Variants in FBLN1 observed in about 807,000 individuals in gnomAD.
FBLN1 encodes the protein fibulin 1, also known as fibulin-1.
A neutral mutation model predicts 89.7 loss-of-function variants in FBLN1; 34 were observed. The ratio of observed to expected loss-of-function variants is 0.38; its 90% CI spans 0.29 to 0.50. The LOEUF is 0.50. Ranked by LOEUF, FBLN1 falls within the 20% of genes least tolerant of loss-of-function variation. The pLI, the probability that FBLN1 is intolerant of heterozygous loss-of-function variation, is 0.92. For synonymous variants in FBLN1, 393 were observed against 391.3 expected, an observed-to-expected ratio of 1.00 and a Z score of -0.05; for missense variants, 777 against 988.1, an observed-to-expected ratio of 0.79 and a Z score of 2.86.
Position 45,563,293 on chromosome 22 carries a change from C to T in FBLN1, c.1698-11218C>T. 6.2e-7 allele frequency: 1 copy of T among 1,613,160 alleles called. No individual in the cohort carries two copies. Among genetic ancestry groups the T allele is most frequent in the Non-Finnish European group, 8.5e-7 (1 of 1,180,016 alleles). ...CACTCGCTTCGCGTCGCGGGGTCTC[C>T]CTCCTGTTGCTTTCCTAACCCTGCC... On this transcript the variant is annotated intron_variant, in intron 14 of 16. Transcript: ENST00000327858. The surrounding 1 kb of genome is among the most constrained non-coding windows in gnomAD (Gnocchi z 5.7).
rs148090266 is a variant in FBLN1 at position 45,544,901 on chromosome 22, G to A, written c.1321+1375G>A. Reference sequence around the variant, plus strand: ...TTGGCAGATGTCGTGTCTTGTATACGGATTAGGTTCTGAGCTGAGCAGACA... The same window carrying A: ...TTGGCAGATGTCGTGTCTTGTATACAGATTAGGTTCTGAGCTGAGCAGACA... On this transcript the variant is annotated intron_variant, in intron 11 of 16. Transcript: ENST00000327858. 5.3e-3 allele frequency among the ~76,000 whole-genome samples: 806 copies of A among 152,278 alleles called. 4 individuals are homozygous for A. The highest frequency in any genetic ancestry group is 0.018 in the African/African-American group (755 of 41,540).
At position 45,561,381 on chromosome 22, in the gene FBLN1, G is replaced by T. The variant is rs1312317751; in HGVS notation, c.1697+10766G>T. 6.6e-6 allele frequency among the ~76,000 whole-genome samples: 1 copy of T among 152,156 alleles called. No homozygotes were observed. Among genetic ancestry groups the T allele is most frequent in the East Asian group, 1.9e-4 (1 of 5,198 alleles). On this transcript the variant is annotated intron_variant, in intron 14 of 16. Coordinates refer to ENST00000327858, the MANE Select transcript of FBLN1 (RefSeq NM_006486.3). This position sits in a 1 kb window ranked among gnomAD's most constrained non-coding sequence, Gnocchi z 4.7. Reference sequence around the variant, plus strand: ...TTCATCACTTTGTCCACTAAACTTAGGAGCAACCAACCAGCTTCATTATGT... The same window carrying T: ...TTCATCACTTTGTCCACTAAACTTATGAGCAACCAACCAGCTTCATTATGT...
At chr22:45,589,954 C>G (rs2089122161) in intron 16 of FBLN1, among the ~76,000 whole-genome samples, 1 of 152,212 alleles carries the variant, frequency 6.6e-6, no homozygotes, top group Non-Finnish European at 1.5e-5. Flanking sequence ...GTGTGTATTT[C>G]TCCGAAGCTC....
Position 45,549,837 on chromosome 22 carries a change from C to A in FBLN1, c.1574-655C>A, listed in dbSNP as rs1369418360. On this transcript the variant is annotated intron_variant, in intron 13 of 16. Coordinates refer to ENST00000327858, the MANE Select transcript of FBLN1 (RefSeq NM_006486.3). The surrounding 1 kb of genome is among the most constrained non-coding windows in gnomAD (Gnocchi z 5.7). ...CTCAGTGTGGTGCCCCAGGCCCCAT[C>A]CCAGGAGTCCCAGACCTGGTGGTTC... 6.6e-6 allele frequency among the ~76,000 whole-genome samples: 1 copy of A among 152,216 alleles called. No individual in the cohort carries two copies. Among genetic ancestry groups the A allele is most frequent in the Non-Finnish European group, 1.5e-5 (1 of 68,026 alleles).
At position 45,533,325 on chromosome 22, in the gene FBLN1, C is replaced by T. The variant is rs118133646; in HGVS notation, c.646+161C>T. On this transcript the variant is annotated intron_variant, in intron 6 of 16. Coordinates refer to ENST00000327858, the MANE Select transcript of FBLN1 (RefSeq NM_006486.3). ...TTCTCGTGTTCGCTGGAGTTTGCAG[C>T]GCAGAGGCCCCTGCCGAGACTTCCC... is the stretch of plus-strand genomic sequence containing the variant. 1.8e-3 allele frequency among the ~76,000 whole-genome samples: 270 copies of T among 152,330 alleles called. 6 individuals carry two copies. Among genetic ancestry groups the T allele is most frequent in the East Asian group, 0.017 (89 of 5,188 alleles).
intron 1 of FBLN1, among the ~76,000 whole-genome samples, chr22:45,507,060 G>A (rs958968002): frequency 1.3e-5 from 2 of 152,120 alleles, no homozygotes; most frequent in African/African-American, 4.8e-5. Context: ...GGGAACCACT[G>A]TGTCAACTTC....
chr22:45,598,080 T>A (rs2146672345), intron 16 of FBLN1, among the ~76,000 whole-genome samples: 1 of 152,302 alleles, frequency 6.6e-6, no homozygotes, highest in Non-Finnish European at 1.5e-5. Context: ...AGAGGAACTG[T>A]TCACAGAATC....
At chr22:45,568,525 G>GCT (rs2088919483) in intron 14 of FBLN1, among the ~76,000 whole-genome samples, 3 of 137,856 alleles carry the variant, frequency 2.2e-5, no homozygotes, top group African/African-American at 6.8e-5. Flanking sequence ...GTAGGGGAAT[G>GCT]CCTCTTCTGT....
intron 1 of FBLN1, among the ~76,000 whole-genome samples, chr22:45,511,184 C>T (rs539934512): frequency 2.1e-4 from 30 of 144,282 alleles, no homozygotes; most frequent in Non-Finnish European, 3.3e-4. Flanking sequence ...GACAGAGTTT[C>T]GCTCTTGTTG....
rs2088581275 is a variant in FBLN1, at chr22:45,543,260, C to A, written c.1196-141C>A. On this transcript the variant is annotated intron_variant, in intron 10 of 16. Transcript: ENST00000327858. ...CAGCCTAGGAGACAGAGCGAGACTC[C>A]ATCTCAAAGATGAAGGAAAAAAAAG... 4.9e-6 allele frequency: 5 copies of A among 1,026,722 alleles called. No homozygotes were observed. The African/African-American group carries it at 6.3e-5, about 13-fold the overall frequency. 63.6% of individuals were successfully genotyped at this position (1,026,722 alleles called of 1,614,324 possible). A position where few individuals can be genotyped will look rare whatever the true frequency, so the allele number is the denominator to read the frequency against.
intron 2 of FBLN1, among the ~76,000 whole-genome samples, chr22:45,520,570 G>A (rs529681311): frequency 8.9e-4 from 136 of 152,276 alleles, no homozygotes; most frequent in African/African-American, 3.0e-3. Context: ...TGGGGGTTAG[G>A]ACTTCACCAG....
intron 14 of FBLN1, among the ~76,000 whole-genome samples, chr22:45,570,525 T>C (rs970138790): frequency 7.9e-5 from 12 of 151,504 alleles, no homozygotes; most frequent in Non-Finnish European, 1.5e-4. Flanking sequence ...AACAGATAAA[T>C]AGAAGTTGAA....
rs914830067 is a variant in FBLN1 at position 45,578,604 on chromosome 22, G to A, written c.1972+1496G>A. Among the ~76,000 whole-genome samples the A allele has an allele frequency of 1.3e-5, 2 of 151,876 alleles. No homozygotes were observed. The highest frequency in any genetic ancestry group is 4.8e-5 in the African/African-American group (2 of 41,344). ...GTCCTTCAGGCCCCTGTGCAGGAGG[G>A]CAGGCAGGGAGGGGGTTGGGTCAGG... On this transcript the variant is annotated intron_variant, in intron 16 of 16. Coordinates refer to ENST00000327858, the MANE Select transcript of FBLN1 (RefSeq NM_006486.3). The surrounding 1 kb of genome is among the most constrained non-coding windows in gnomAD (Gnocchi z 4.6).
chr22:45,564,260 C>T, intron 14 of FBLN1, among the ~76,000 whole-genome samples: 1 of 152,230 alleles, frequency 6.6e-6, no homozygotes, highest in East Asian at 1.9e-4. Flanking sequence ...CTGCTGCTCC[C>T]AGCGTCCATT....
At chr22:45,521,746 G>A (rs1381715855) in intron 2 of FBLN1, among the ~76,000 whole-genome samples, 1 of 152,180 alleles carries the variant, frequency 6.6e-6, no homozygotes, top group Non-Finnish European at 1.5e-5. Context: ...GGAGGTCAGA[G>A]CTCCTGTCTG....
At chr22:45,533,308 TTCGCTGGAG>T in intron 6 of FBLN1, 144 bp downstream of exon 6, 1 of 770,198 alleles carries the variant, frequency 1.3e-6, no homozygotes, top group Non-Finnish European at 2.2e-6. Flanking sequence ...CTTTCTCGTG[TTCGCTGGAG>T]TTTGCAGCGC....
At chr22:45,564,772 C>T (rs753383004) in intron 14 of FBLN1, 82 of 1,292,036 alleles carry the variant, frequency 6.3e-5, no homozygotes, top group Non-Finnish European at 7.7e-5. Flanking sequence ...AGACATCTCG[C>T]GTGCAGAAGG....
intron 14 of FBLN1, among the ~76,000 whole-genome samples, chr22:45,553,793 G>C (rs911436169): frequency 6.6e-6 from 1 of 152,128 alleles, no homozygotes; most frequent in Non-Finnish European, 1.5e-5. Context: ...GTGTGATGAC[G>C]GCGGGAGCTG....
intron 12 of FBLN1, among the ~76,000 whole-genome samples, chr22:45,548,117 C>T (rs138133869): frequency 6.6e-6 from 1 of 152,190 alleles, no homozygotes; most frequent in Non-Finnish European, 1.5e-5. Flanking sequence ...GGTACAAACA[C>T]GGCTCACTGC....
Sources: allele counts gnomAD v4.1 joint callset (sites outside exome capture counted in the v4.1 genomes callset), GRCh38; gene constraint gnomAD v4.1.1; non-coding constraint Gnocchi (gnomAD v3.1); transcripts MANE v1.5; gene names NCBI Gene and HGNC (gene_info 2026-07-23, HGNC 2026-07-21).